AKNAD1: variants seen among roughly 807,000 people sequenced by gnomAD.
The protein encoded by AKNAD1 is AKNA domain containing 1.
Under a neutral mutation model 90.8 loss-of-function variants are expected in AKNAD1, and 67 were observed. The ratio of observed to expected loss-of-function variants is 0.74; its 90% CI spans 0.61 to 0.90. AKNAD1 has a LOEUF of 0.90. Ranked by LOEUF, AKNAD1 falls within the 40% of genes least tolerant of loss-of-function variation. AKNAD1 has a pLI of 0.00. For synonymous variants in AKNAD1, 327 were observed against 341.4 expected, an observed-to-expected ratio of 0.96 and a Z score of 0.46; for missense variants, 957 against 975.4, an observed-to-expected ratio of 0.98 and a Z score of 0.25.
chr1:108,844,118 T>C, intron 5 of AKNAD1, among the ~76,000 whole-genome samples: 1 of 152,174 alleles, frequency 6.6e-6, no homozygotes, highest in East Asian at 1.9e-4. Flanking sequence ...ATCCCAGCAC[T>C]TTGGGAGGCC....
In AKNAD1 at chr1:108,826,884, C is replaced by T. The variant is rs1429914672; in HGVS notation, c.1936+321G>A. ...TCTCCCAAGTAGCTGGGACTACAGGCGTGAGCCACCACACCTGGCTAATTT... is the reference window on the plus strand; with the variant it reads ...TCTCCCAAGTAGCTGGGACTACAGGTGTGAGCCACCACACCTGGCTAATTT... On this transcript the variant is annotated intron_variant, in intron 11 of 15. Transcript: ENST00000370001. Among the ~76,000 whole-genome samples, 4 of 150,964 alleles carry T rather than the reference C, an allele frequency of 2.6e-5. 1 individual carries two copies. The highest frequency in any genetic ancestry group is 2.0e-4 in the Admixed American group (3 of 15,006).
intron 7 of AKNAD1, 178 bp downstream of exon 7, chr1:108,837,372 A>C (rs1664417881): frequency 3.5e-6 from 2 of 567,906 alleles, no homozygotes; most frequent in Non-Finnish European, 5.9e-6. Flanking sequence ...CACTTGAAAT[A>C]GCTTCTAATC....
chr1:108,833,836 T>C (rs1465882806), intron 9 of AKNAD1, among the ~76,000 whole-genome samples: 2 of 151,998 alleles, frequency 1.3e-5, no homozygotes, highest in Admixed American at 6.6e-5. Flanking sequence ...CCCCTCCACC[T>C]GAGTTGGAGA....
chr1:108,820,813 G>A (rs1007243971), intron 13 of AKNAD1, among the ~76,000 whole-genome samples, 187 bp from the exon 14 acceptor site: 1 of 152,148 alleles, frequency 6.6e-6, no homozygotes, highest in Non-Finnish European at 1.5e-5. Flanking sequence ...TGTAATCCCA[G>A]CACTTTGGGA....
intron 9 of AKNAD1, among the ~76,000 whole-genome samples, chr1:108,833,724 T>C (rs769938863): frequency 1.9e-5 from 2 of 104,526 alleles, no homozygotes; most frequent in Non-Finnish European, 3.9e-5. Flanking sequence ...TTTCCCATGG[T>C]TTTTTTTTTT....
intron 11 of AKNAD1, among the ~76,000 whole-genome samples, chr1:108,824,667 T>C (rs1443956927): frequency 6.6e-6 from 1 of 151,686 alleles, no homozygotes; most frequent in Non-Finnish European, 1.5e-5. Context: ...CAGGCTGAAA[T>C]GCAGTGGCTC....
intron 7 of AKNAD1, chr1:108,836,756 T>C (rs1310125128): frequency 6.6e-6 from 1 of 152,236 alleles, no homozygotes; most frequent in Non-Finnish European, 1.5e-5. Flanking sequence ...AATGATTCTG[T>C]TTCTCAGAAT....
chr1:108,842,118 G>GA (rs779092801), intron 6 of AKNAD1, among the ~76,000 whole-genome samples: 6 of 151,946 alleles, frequency 3.9e-5, no homozygotes, highest in African/African-American at 7.3e-5. Context: ...AAGCCTTTGG[G>GA]AAAAAAATCA....
intron 1 of AKNAD1, among the ~76,000 whole-genome samples, chr1:108,855,990 T>C (rs1665024345): frequency 6.6e-6 from 1 of 151,142 alleles, no homozygotes; most frequent in African/African-American, 2.4e-5. Context: ...TAGCTGGGAC[T>C]ACAGGCGCAC....
chr1:108,851,524 G>A lies in AKNAD1; in HGVS notation c.993+148C>T, dbSNP rs150131342. ...TCTCGTGAGGACACTGAGAGTCGGA[G>A]TGGCCACGTCACTCATCCAGGGTGA... On this transcript the variant is annotated intron_variant, in intron 2 of 15. Coordinates refer to ENST00000370001, the MANE Select transcript of AKNAD1 (RefSeq NM_152763.5). 1.9e-3 allele frequency: 1,212 copies of A among 639,904 alleles called. 14 individuals carry two copies. The highest frequency in any genetic ancestry group is 0.017 in the African/African-American group (932 of 55,424). The allele number at this position is 639,904 out of a possible 1,614,324, so 39.6% of individuals were successfully genotyped here. A position where few individuals can be genotyped will look rare whatever the true frequency, so the allele number is the denominator to read the frequency against.
intron 14 of AKNAD1, among the ~76,000 whole-genome samples, chr1:108,818,015 G>C (rs1663676719): frequency 6.6e-6 from 1 of 152,204 alleles, no homozygotes; most frequent in Admixed American, 6.5e-5. Flanking sequence ...GGATGGGCCA[G>C]AAGTCTGCAC....
chr1:108,846,004 A>C (rs1664689471), intron 5 of AKNAD1, among the ~76,000 whole-genome samples: 1 of 152,244 alleles, frequency 6.6e-6, no homozygotes, highest in Non-Finnish European at 1.5e-5. Flanking sequence ...ATTATGTTGC[A>C]GAAGATAGGG....
At chr1:108,822,730 A>G (rs1319039919) in intron 13 of AKNAD1, among the ~76,000 whole-genome samples, 1 of 152,096 alleles carries the variant, frequency 6.6e-6, no homozygotes, top group Non-Finnish European at 1.5e-5. Context: ...CAGTGGTAAA[A>G]CTAGGAGTAT....
intron 2 of AKNAD1, among the ~76,000 whole-genome samples, chr1:108,851,401 G>A (rs985487637): frequency 2.6e-5 from 4 of 152,200 alleles, no homozygotes; most frequent in African/African-American, 7.2e-5. Context: ...GACTCCTGAA[G>A]GAAGGCAGCT....
intron 11 of AKNAD1, among the ~76,000 whole-genome samples, chr1:108,826,731 CTTTTCTTTTTCTTTT>C (rs1287937012): frequency 2.3e-5 from 3 of 130,010 alleles, no homozygotes; most frequent in African/African-American, 9.1e-5. Flanking sequence ...TTTTTCTTTT[CTTTTCTTTTTCTTTT>C]TTTTTTTTTT....
chr1:108,835,845 C>T (rs1570811833), intron 7 of AKNAD1, among the ~76,000 whole-genome samples: 1 of 152,098 alleles, frequency 6.6e-6, no homozygotes. Context: ...AGGCTGGTCT[C>T]GAACTCCTGA....
chr1:108,840,527 T>C (rs1404490335), intron 6 of AKNAD1, among the ~76,000 whole-genome samples: 1 of 152,228 alleles, frequency 6.6e-6, no homozygotes, highest in East Asian at 1.9e-4. Flanking sequence ...GAGCTGATTA[T>C]AAAGTTTATT....
chr1:108,826,166 T>A (rs1321174947), intron 11 of AKNAD1, among the ~76,000 whole-genome samples: 1 of 151,744 alleles, frequency 6.6e-6, no homozygotes, highest in African/African-American at 2.4e-5. Context: ...TGGAAATGTG[T>A]CATCTACAGA....
intron 5 of AKNAD1, among the ~76,000 whole-genome samples, chr1:108,845,751 T>C: frequency 6.6e-6 from 1 of 151,972 alleles, no homozygotes; most frequent in Non-Finnish European, 1.5e-5. Flanking sequence ...GCTAACAGGC[T>C]CGAAGATATT....
Sources: gnomAD v4.1 joint callset for allele counts (sites outside exome capture counted in the v4.1 genomes callset) on GRCh38, gnomAD v4.1.1 for gene constraint, MANE v1.5 for transcripts, NCBI Gene and HGNC (gene_info 2026-07-23, HGNC 2026-07-21) for gene names.